FGF1: variants seen among roughly 807,000 people sequenced by gnomAD.
FGF1 encodes beta-endothelial cell growth factor.
Under a neutral mutation model 13.4 loss-of-function variants are expected in FGF1, and 9 were observed. That is an observed-to-expected ratio of 0.67 (90% CI 0.40 to 1.17). The LOEUF (loss-of-function observed/expected upper bound fraction) is 1.17. Ranked by LOEUF, FGF1 falls within the 50% of genes most tolerant of loss-of-function variation. FGF1 has a pLI of 0.01. For synonymous variants in FGF1, 93 were observed against 79.0 expected (o/e 1.18, Z -0.94); for missense variants, 156 against 192.7 (o/e 0.81, Z 1.13).
intron 3 of FGF1, among the ~76,000 whole-genome samples, chr5:142,597,818 T>C (rs2151814637): frequency 6.6e-6 from 1 of 152,206 alleles, no homozygotes; most frequent in East Asian, 1.9e-4. Context: ...TGGTCTTCTC[T>C]CCATCCCCCA....
intron 2 of FGF1, among the ~76,000 whole-genome samples, chr5:142,606,216 C>CTGTGTGTGTGTGTGTGTG (rs1475595559): frequency 1.4e-5 from 1 of 73,510 alleles, no homozygotes; most frequent in East Asian, 4.5e-4. Context: ...TTCTTTCTCT[C>CTGTGTGTGTGTGTGTGTG]TCTGTGTGTG....
chr5:142,652,134 A>G (rs1038568141), intron 1 of FGF1, among the ~76,000 whole-genome samples: 6 of 152,206 alleles, frequency 3.9e-5, no homozygotes, highest in Non-Finnish European at 8.8e-5. Flanking sequence ...CCACATGTCC[A>G]GGAAGGAATG....
intron 1 of FGF1, among the ~76,000 whole-genome samples, chr5:142,643,919 C>T (rs897670754): frequency 6.6e-6 from 1 of 152,150 alleles, no homozygotes; most frequent in African/African-American, 2.4e-5. Flanking sequence ...CTCATGTTAG[C>T]GCAAGCAATA....
At chr5:142,599,821 A>G (rs1756094389) in intron 3 of FGF1, among the ~76,000 whole-genome samples, 1 of 151,346 alleles carries the variant, frequency 6.6e-6, no homozygotes, top group Non-Finnish European at 1.5e-5. Flanking sequence ...TGAAGAAACA[A>G]TTAGACTATG....
intron 1 of FGF1, chr5:142,626,705 T>C (rs1413414154): frequency 6.6e-5 from 10 of 152,268 alleles, no homozygotes; most frequent in Admixed American, 6.5e-4. Context: ...CCATCAGCAC[T>C]TTCCTGATTG....
rs779628559 is a variant in FGF1 at position 142,600,747 on chromosome 5, A to C, written c.228T>G (p.Thr76=). The C allele has an allele frequency of 5.0e-6, 8 of 1,614,018 alleles. No individual in the cohort carries two copies. The highest frequency in any genetic ancestry group is 6.8e-6 in the Non-Finnish European group (8 of 1,179,878). ...CGGTGTCCATGGCCAAGTACTGGCC[A>C]GTCTCGGTACTCTTTATATACACCT... The part of the protein sequence containing the change: ...VGEVYIKSTE[T]GQYLAMDTDG... The change falls in exon 3 of 4, where the codon ACT becomes ACG. Residue 76 remains threonine (T), a synonymous_variant. Coordinates refer to ENST00000337706, the MANE Select transcript of FGF1 (RefSeq NM_000800.5).
At chr5:142,623,545 T>C (rs1761994085) in intron 1 of FGF1, among the ~76,000 whole-genome samples, 1 of 151,656 alleles carries the variant, frequency 6.6e-6, no homozygotes, top group East Asian at 2.0e-4. Context: ...ACGGGGTTTC[T>C]ACCATGTTGG....
chr5:142,684,830 G>C (rs576795366), intron 1 of FGF1, among the ~76,000 whole-genome samples: 1 of 152,298 alleles, frequency 6.6e-6, no homozygotes, highest in East Asian at 1.9e-4. Flanking sequence ...GCCCTCAGCC[G>C]GGATGCTCAA....
Position 142,685,953 on chromosome 5 carries a change from T to A in FGF1, c.-35+4A>T, listed in dbSNP as rs1006898828. 1.3e-5 allele frequency: 2 copies of A among 152,232 alleles called. No individual in the cohort carries two copies. The highest frequency in any genetic ancestry group is 2.9e-5 in the Non-Finnish European group (2 of 68,136). The allele number at this position is 152,232 out of a possible 1,614,324, so 9.4% of individuals were successfully genotyped here. A position where few individuals can be genotyped will look rare whatever the true frequency, so the allele number is the denominator to read the frequency against. ...TTTCCCAGATCAGATGCCCTGATTC[T>A]TACCTAAAGAGCTTGTAGGCCGAGG... On this transcript the variant is annotated splice_donor_region_variant and intron_variant, in intron 1 of 3. Coordinates refer to ENST00000337706, the MANE Select transcript of FGF1 (RefSeq NM_000800.5).
Position 142,653,708 on chromosome 5 carries a change from C to T in FGF1, c.-35+32249G>A, listed in dbSNP as rs147468457. ...CATTGTGCTGCCTGCCTGTCTTCTA[C>T]GACACCGGTTGGGGCTTAAATTCTA... On this transcript the variant is annotated intron_variant, in intron 1 of 3. Transcript: ENST00000337706. Among the ~76,000 whole-genome samples the T allele has an allele frequency of 5.4e-3, 820 of 152,304 alleles. 9 individuals are homozygous for T. The highest frequency in any genetic ancestry group is 0.019 in the African/African-American group (794 of 41,558).
intron 1 of FGF1, among the ~76,000 whole-genome samples, chr5:142,616,749 C>A (rs1484404228): frequency 6.6e-6 from 1 of 152,306 alleles, no homozygotes; most frequent in Middle Eastern, 3.4e-3. Context: ...TAATGTAAAG[C>A]AATTTAGCTC....
In FGF1 at chr5:142,619,605, G is replaced by A. The variant is rs190730792; in HGVS notation, c.-34-5444C>T. On this transcript the variant is annotated intron_variant, in intron 1 of 3. Coordinates refer to ENST00000337706, the MANE Select transcript of FGF1 (RefSeq NM_000800.5). ...CTGGTAGGCGTAAGGGGGATAAGGT[G>A]GAATAAATAAAACTGTGCTTATCTT... is the stretch of plus-strand genomic sequence containing the variant. Among the ~76,000 whole-genome samples, 201 of 152,286 alleles carry A rather than the reference G, an allele frequency of 1.3e-3. 3 individuals are homozygous for A. Among genetic ancestry groups the A allele is most frequent in the African/African-American group, 4.8e-3 (199 of 41,550 alleles).
At chr5:142,639,908 A>T (rs1764885170) in intron 1 of FGF1, among the ~76,000 whole-genome samples, 1 of 151,950 alleles carries the variant, frequency 6.6e-6, no homozygotes, top group South Asian at 2.1e-4. Flanking sequence ...GAGAGAAAGG[A>T]TGGTGGGAGG....
chr5:142,614,462 TG>T (rs1218898063), intron 1 of FGF1, among the ~76,000 whole-genome samples: 1 of 152,196 alleles, frequency 6.6e-6, no homozygotes, highest in East Asian at 1.9e-4. Context: ...AAAAGAATCA[TG>T]TTTTGGTCCC....
chr5:142,611,130 G>C (rs1348770009), intron 2 of FGF1, among the ~76,000 whole-genome samples: 4 of 152,154 alleles, frequency 2.6e-5, no homozygotes, highest in African/African-American at 9.7e-5. Context: ...ATATCTCCTT[G>C]CCAGGCCGTG....
Position 142,641,268 on chromosome 5 carries a change from G to A in FGF1, c.-34-27107C>T, listed in dbSNP as rs139109490. Among the ~76,000 whole-genome samples, 385 of 152,094 alleles carry A rather than the reference G, an allele frequency of 2.5e-3. 2 individuals are homozygous for A. Among genetic ancestry groups the A allele is most frequent in the Middle Eastern group, 0.014 (4 of 294 alleles). ...AAAAAGCCATTGAGAATTATTTTGC[G>A]TGCTTCCTCCAACTCTTGGTCCTTG... On this transcript the variant is annotated intron_variant, in intron 1 of 3. Transcript: ENST00000337706.
intron 1 of FGF1, among the ~76,000 whole-genome samples, chr5:142,621,102 G>A (rs1761496886): frequency 6.6e-6 from 1 of 152,090 alleles, no homozygotes; most frequent in Non-Finnish European, 1.5e-5. Flanking sequence ...CAATTCTGCT[G>A]CTAGTGACCA....
upstream of FGF1, among the ~76,000 whole-genome samples, chr5:142,688,456 G>C (rs568821925): frequency 6.6e-6 from 1 of 152,164 alleles, no homozygotes. Context: ...GAAAAGTCTG[G>C]TCTCAGAATA....
At chr5:142,620,733 G>A (rs1321560000) in intron 1 of FGF1, among the ~76,000 whole-genome samples, 1 of 152,118 alleles carries the variant, frequency 6.6e-6, no homozygotes, top group Non-Finnish European at 1.5e-5. Flanking sequence ...TACACAACTA[G>A]TAAACTTAAT....
Sources: allele counts gnomAD v4.1 joint callset (sites outside exome capture counted in the v4.1 genomes callset), GRCh38; gene constraint gnomAD v4.1.1; transcripts MANE v1.5; gene names NCBI Gene and HGNC (gene_info 2026-07-23, HGNC 2026-07-21).